Variants in SLC19A1 observed in about 807,000 individuals in gnomAD.
The protein encoded by SLC19A1 is solute carrier family 19 member 1.
SLC19A1 carries 37 observed loss-of-function variants against 35.3 expected under a neutral mutation model. The ratio of observed to expected loss-of-function variants is 1.05; its 90% confidence interval spans 0.81 to 1.38. The LOEUF is 1.38. SLC19A1 is among the 40% of genes most tolerant of loss of function. The pLI is 0.00. For synonymous variants in SLC19A1, 460 were observed against 398.5 expected (o/e 1.15, Z -1.84); for missense variants, 831 against 826.9 (o/e 1.00, Z -0.06).
upstream of SLC19A1, among the ~76,000 whole-genome samples, chr21:45,546,194 C>T (rs943891009): frequency 6.6e-6 from 1 of 152,270 alleles, no homozygotes; most frequent in Admixed American, 6.5e-5. Context: ...GTCCTCAGCA[C>T]CTTGTCTGTG....
At chr21:45,504,655 G>A in intron 3 of SLC19A1, 5 of 1,062,946 alleles carry the variant, frequency 4.7e-6, no homozygotes, top group Non-Finnish European at 5.5e-6. Flanking sequence ...GCGAAGGCCG[G>A]AGCTGCCCCT....
At chr21:45,505,392 G>C (rs552556415) in intron 3 of SLC19A1, 3 of 1,576,650 alleles carry the variant, frequency 1.9e-6, no homozygotes, top group South Asian at 2.2e-5. Flanking sequence ...GCCCCCCTGG[G>C]CCCCCTGGGC....
chr21:45,555,271 GCA>G (rs1276130572), intron 1 of SLC19A1, among the ~76,000 whole-genome samples: 1 of 4,164 alleles, frequency 2.4e-4, no homozygotes, highest in Non-Finnish European at 4.6e-4. Flanking sequence ...AGGGGGCGGC[GCA>G]GGGGGCGGCG....
intron 2 of SLC19A1, among the ~76,000 whole-genome samples, chr21:45,535,681 G>A (rs1264463659): frequency 1.3e-5 from 2 of 152,220 alleles, no homozygotes; most frequent in Non-Finnish European, 2.9e-5. Flanking sequence ...CCCACTGCCT[G>A]AGGCTGCCAG....
At chr21:45,509,317 G>A (rs1370240650), downstream of SLC19A1, 22 of 1,537,312 alleles carry the variant, frequency 1.4e-5, no homozygotes, top group Admixed American at 3.7e-4. Flanking sequence ...GCACCCGGAG[G>A]GTCCCCCCGC....
chr21:45,511,217 A>AC, downstream of SLC19A1: 1 of 1,571,272 alleles, frequency 6.4e-7, no homozygotes, highest in Non-Finnish European at 8.7e-7. Context: ...GTCCTGAGGC[A>AC]CCCCACCTGG....
rs187350079 is a variant in SLC19A1, at chr21:45,529,180, G to A, written c.1151+1590C>T. ...AAGGGGCCCCGAGTATGGCAGGGGC[G>A]GGAGAGAAGGGTGGGCCGGGCTGCC... On this transcript the variant is annotated intron_variant, in intron 4 of 5. Coordinates refer to ENST00000311124, the MANE Select transcript of SLC19A1 (RefSeq NM_194255.4). Among the ~76,000 whole-genome samples the A allele has an allele frequency of 5.4e-3, 818 of 152,362 alleles. 8 individuals carry two copies. The highest frequency in any genetic ancestry group is 0.02 in the South Asian group (98 of 4,830).
In SLC19A1 at chr21:45,526,186, C is replaced by T. The variant is rs541735233; in HGVS notation, c.1152-228G>A. 2.6e-4 allele frequency among the ~76,000 whole-genome samples: 40 copies of T among 152,306 alleles called. 1 individual carries two copies. The highest frequency in any genetic ancestry group is 9.1e-4 in the African/African-American group (38 of 41,560). ...CTCGAGGGGCCATTCTGGGAGCTGC[C>T]GTGTCCCCCTGGCTCAGTACAGAGT... On this transcript the variant is annotated intron_variant, in intron 4 of 5. Transcript: ENST00000311124.
At chr21:45,552,574 G>T (rs550023114) in intron 1 of SLC19A1, among the ~76,000 whole-genome samples, 4 of 152,320 alleles carry the variant, frequency 2.6e-5, no homozygotes, top group Admixed American at 6.5e-5. Context: ...AGGGATTAGC[G>T]CGTGCTATAA....
rs903778492 is a variant in SLC19A1 at position 45,530,978 on chromosome 21, G to C, written c.950-7C>G. On this transcript the variant is annotated splice_polypyrimidine_tract_variant and splice_region_variant and intron_variant, in intron 3 of 5. Transcript: ENST00000311124. This position sits in a 1 kb window ranked among gnomAD's most constrained non-coding sequence, Gnocchi z 5.3. ...GCGAAGGACGTGATGGCGCCTGAGA[G>C]GGGAGGGATGGGGCGTTGCAGCGGC... The C allele has an allele frequency of 1.4e-6, 2 of 1,444,102 alleles. No homozygotes were observed. Among genetic ancestry groups the C allele is most frequent in the Admixed American group, 2.8e-5 (1 of 36,308 alleles). 89.5% of individuals were successfully genotyped at this position (1,444,102 alleles called of 1,614,324 possible). A position where few individuals can be genotyped will look rare whatever the true frequency, so the allele number is the denominator to read the frequency against.
chr21:45,527,075 T>C (rs2077646164), intron 4 of SLC19A1, among the ~76,000 whole-genome samples: 1 of 152,284 alleles, frequency 6.6e-6, no homozygotes, highest in South Asian at 2.1e-4. Flanking sequence ...CACGGTTAAA[T>C]GTTTGATAAA....
chr21:45,508,657 A>G (rs2037394798), downstream of SLC19A1, among the ~76,000 whole-genome samples: 1 of 152,182 alleles, frequency 6.6e-6, no homozygotes, highest in Admixed American at 6.5e-5. Context: ...GAGCAGTGTC[A>G]GGGGCTCCAC....
rs34594751 is a variant in SLC19A1 at position 45,562,129 on chromosome 21, C to CAAA, written c.-50+610_-50+612dup. Among the ~76,000 whole-genome samples, 895 of 121,482 alleles carry CAAA rather than the reference C, an allele frequency of 7.4e-3. 21 individuals are homozygous for CAAA. Among genetic ancestry groups the CAAA allele is most frequent in the African/African-American group, 0.022 (670 of 31,130 alleles). The allele number at this position is 121,482 out of a possible 152,430, so 79.7% of individuals were successfully genotyped here. A position where few individuals can be genotyped will look rare whatever the true frequency, so the allele number is the denominator to read the frequency against. ...CTGGCAACAGATCAAGACTCTGTCT[C>CAAA]AAAAAAAAAAAAAAAAAAAGACAAA... On this transcript the variant is annotated intron_variant, in intron 1 of 5. Transcript: ENST00000650808.
intron 5 of SLC19A1, among the ~76,000 whole-genome samples, chr21:45,518,072 G>A (rs1294680111): frequency 2.0e-5 from 3 of 152,072 alleles, no homozygotes; most frequent in Non-Finnish European, 2.9e-5. Flanking sequence ...AGTAGAATTC[G>A]CCAAGAAAGA....
In SLC19A1 at chr21:45,530,604, G is replaced by A. The variant is rs1308843330; in HGVS notation, c.1151+166C>T. 6.6e-6 allele frequency among the ~76,000 whole-genome samples: 1 copy of A among 152,158 alleles called. No homozygotes were observed. The highest frequency in any genetic ancestry group is 1.5e-5 in the Non-Finnish European group (1 of 68,002). ...GACGGCACAGGAAGGGACGCCCGAG[G>A]TCCCAGGGAGAGGCAAGTGGGGACC... On this transcript the variant is annotated intron_variant, in intron 4 of 5. Transcript: ENST00000311124. The surrounding 1 kb of genome is among the most constrained non-coding windows in gnomAD (Gnocchi z 5.3).
upstream of SLC19A1, among the ~76,000 whole-genome samples, chr21:45,543,220 CG>C (rs2078365354): frequency 6.6e-6 from 1 of 152,192 alleles, no homozygotes; most frequent in Non-Finnish European, 1.5e-5. Flanking sequence ...CGTGGGGCTG[CG>C]GCAGACAGCA....
At chr21:45,523,143 C>T (rs904330245) in intron 5 of SLC19A1, among the ~76,000 whole-genome samples, 1 of 152,206 alleles carries the variant, frequency 6.6e-6, no homozygotes, top group African/African-American at 2.4e-5. Flanking sequence ...GACTCTACCC[C>T]CGACCAAGCC....
Position 45,531,846 on chromosome 21 carries a change from C to T in SLC19A1, c.492G>A (p.Val164=). Residue 164 remains valine (V), a synonymous_variant, in exon 3 of 6, where the codon GTG becomes GTA. Coordinates refer to ENST00000311124, the MANE Select transcript of SLC19A1 (RefSeq NM_194255.4). ...GYSRAAVLLG[V]FTSSVLGQLL... ...GCTGGCCCAGCACGGAGCTGGTGAA[C>T]ACGCCCAGCAGCACCGCAGCGCGCG... 1 of 1,585,928 alleles carries T rather than the reference C, an allele frequency of 6.3e-7. No individual in the cohort carries two copies. The highest frequency in any genetic ancestry group is 8.6e-7 in the Non-Finnish European group (1 of 1,166,802).
At chr21:45,557,132 C>T (rs55977683) in intron 1 of SLC19A1, among the ~76,000 whole-genome samples, 52,567 of 152,088 alleles carry the variant, frequency 0.35, 9,234 homozygotes, top group East Asian at 0.46. Context: ...CAATGGCACC[C>T]GCTGCATGGA....
Sources: gnomAD v4.1 joint callset for allele counts (sites outside exome capture counted in the v4.1 genomes callset) on GRCh38, gnomAD v4.1.1 for gene constraint, Gnocchi (gnomAD v3.1) non-coding constraint, MANE v1.5 for transcripts, NCBI Gene and HGNC (gene_info 2026-07-23, HGNC 2026-07-21) for gene names.